OXR1: variants seen among roughly 807,000 people sequenced by gnomAD.
The protein encoded by OXR1 is oxidation resistance protein 1.
Under a neutral mutation model 104.6 loss-of-function variants are expected in OXR1, and 41 were observed. The ratio of observed to expected loss-of-function variants is 0.39; its 90% CI spans 0.31 to 0.51. The LOEUF (loss-of-function observed/expected upper bound fraction) is 0.51. Ranked by LOEUF, OXR1 falls within the 20% of genes least tolerant of loss-of-function variation. The pLI, the probability that OXR1 is intolerant of heterozygous loss-of-function variation, is 0.77. For missense variants in OXR1, 955 were observed against 1,031.9 expected (o/e 0.93, Z 1.02); for synonymous variants, 348 against 348.4 (o/e 1.00, Z 0.01).
chr8:106,449,439 A>G (rs1438935192), intron 2 of OXR1, among the ~76,000 whole-genome samples: 2 of 152,152 alleles, frequency 1.3e-5, no homozygotes, highest in African/African-American at 2.4e-5. Context: ...CTCAAAGCCA[A>G]AGTTATTGTT....
intron 1 of OXR1, among the ~76,000 whole-genome samples, chr8:106,283,900 G>A (rs957312024): frequency 6.6e-5 from 10 of 152,048 alleles, no homozygotes; most frequent in Non-Finnish European, 1.2e-4. Flanking sequence ...ATGTATTCAA[G>A]GAATGCTAAT....
At chr8:106,656,445 ATGAAT>A in intron 3 of OXR1, 1 of 152,324 alleles carries the variant, frequency 6.6e-6, no homozygotes, top group South Asian at 2.1e-4. Context: ...CCTCTATGCT[ATGAAT>A]TACCTCCCAA....
Position 106,706,729 on chromosome 8 carries a change from A to T in OXR1, c.1208A>T (p.Asn403Ile). 1 of 1,611,744 alleles carries T rather than the reference A, an allele frequency of 6.2e-7. No individual in the cohort carries two copies. The highest frequency in any genetic ancestry group is 8.5e-7 in the Non-Finnish European group (1 of 1,179,400). ...HLRSDTEHST[N>I]EVGTLCHKTD... ...AGATCTGATACTGAACATTCTACAA[A>T]TGAAGTTGGGACTTTATGTCATAAA... is the stretch of plus-strand genomic sequence containing the variant. The change falls in exon 9 of 17, where the codon AAT (asparagine) becomes ATT (isoleucine). Residue 403 changes from asparagine to isoleucine, a missense_variant. Physicochemically the swap from Asn to Ile is moderately radical, Grantham distance 149 (BLOSUM62 -3). Transcript: ENST00000517566.
intron 8 of OXR1, among the ~76,000 whole-genome samples, chr8:106,705,968 T>C (rs1297748024): frequency 6.6e-6 from 1 of 152,158 alleles, no homozygotes; most frequent in Non-Finnish European, 1.5e-5. Flanking sequence ...AATCAGTTTA[T>C]TTTTACTTTA....
At chr8:106,303,836 G>A (rs1813366270) in intron 1 of OXR1, among the ~76,000 whole-genome samples, 1 of 152,092 alleles carries the variant, frequency 6.6e-6, no homozygotes, top group African/African-American at 2.4e-5. Context: ...ATCTACCAGT[G>A]ATTTAATAAG....
intron 3 of OXR1, among the ~76,000 whole-genome samples, chr8:106,549,101 TAA>T (rs1300277786): frequency 1.3e-5 from 2 of 152,234 alleles, no homozygotes; most frequent in African/African-American, 4.8e-5. Context: ...GAAATAAATC[TAA>T]GATATGGCTA....
chr8:106,683,310 G>T lies in OXR1; in HGVS notation c.411+4G>T. Reference sequence around the variant, plus strand: ...CCGAGCAGTTGTTACTGGACAGGTAGTATCTTTTTTTTAATGTGCTGATGT... The same window carrying T: ...CCGAGCAGTTGTTACTGGACAGGTATTATCTTTTTTTTAATGTGCTGATGT... On this transcript the variant is annotated splice_donor_region_variant and intron_variant, in intron 5 of 16. Coordinates refer to ENST00000517566, the MANE Select transcript of OXR1 (RefSeq NM_001198533.2). 2.1e-6 allele frequency: 3 copies of T among 1,429,116 alleles called. No homozygotes were observed. Among genetic ancestry groups the T allele is most frequent in the Non-Finnish European group, 3.0e-6 (3 of 1,013,708 alleles). 88.5% of individuals were successfully genotyped at this position (1,429,116 alleles called of 1,614,324 possible).
At chr8:106,409,447 A>G (rs1215906552) in intron 2 of OXR1, among the ~76,000 whole-genome samples, 1 of 152,198 alleles carries the variant, frequency 6.6e-6, no homozygotes, top group Non-Finnish European at 1.5e-5. Context: ...AGAAGCAAAC[A>G]AAAAACAGGA....
chr8:106,534,551 T>G (rs187913700), intron 3 of OXR1, among the ~76,000 whole-genome samples: 1 of 152,326 alleles, frequency 6.6e-6, no homozygotes, highest in Non-Finnish European at 1.5e-5. Flanking sequence ...TGTGACAGTA[T>G]AGTGTAGTGT....
At chr8:106,705,771 A>G (rs1043822740) in intron 8 of OXR1, among the ~76,000 whole-genome samples, 6 of 152,116 alleles carry the variant, frequency 3.9e-5, no homozygotes, top group Non-Finnish European at 8.8e-5. Context: ...TAGTATCTAA[A>G]CTTTTCACCT....
At chr8:106,318,664 C>T (rs891252829) in intron 1 of OXR1, among the ~76,000 whole-genome samples, 1 of 152,196 alleles carries the variant, frequency 6.6e-6, no homozygotes, top group African/African-American at 2.4e-5. Context: ...CTTCTTTCTT[C>T]TGACTTCTGG....
intron 1 of OXR1, among the ~76,000 whole-genome samples, chr8:106,351,861 A>G (rs904129387): frequency 1.3e-5 from 2 of 152,226 alleles, no homozygotes; most frequent in Non-Finnish European, 2.9e-5. Context: ...AATTTTTATC[A>G]TGAGCTTATT....
At chr8:106,721,684 C>T (rs1455471194) in intron 11 of OXR1, among the ~76,000 whole-genome samples, 1 of 152,176 alleles carries the variant, frequency 6.6e-6, no homozygotes, top group Non-Finnish European at 1.5e-5. Flanking sequence ...AATATGTTAA[C>T]TACTTACTAT....
At position 106,589,608 on chromosome 8, in the gene OXR1, G is replaced by A. The variant is rs879302615; in HGVS notation, c.220+70469G>A. Among the ~76,000 whole-genome samples the A allele has an allele frequency of 5.9e-5, 9 of 152,086 alleles. 1 individual carries two copies. Among genetic ancestry groups the A allele is most frequent in the Admixed American group, 5.9e-4 (9 of 15,268 alleles). Reference sequence around the variant, plus strand: ...CGACGCAGCACCCAATGTAGAAAACGCTGGAATTTTTCCTTGGAACTAGAC... The same window carrying A: ...CGACGCAGCACCCAATGTAGAAAACACTGGAATTTTTCCTTGGAACTAGAC... On this transcript the variant is annotated intron_variant, in intron 3 of 16. Coordinates refer to ENST00000517566, the MANE Select transcript of OXR1 (RefSeq NM_001198533.2).
intron 3 of OXR1, among the ~76,000 whole-genome samples, chr8:106,584,523 A>G (rs980948419): frequency 1.3e-5 from 2 of 152,272 alleles, no homozygotes; most frequent in East Asian, 1.9e-4. Flanking sequence ...TATTCATTCA[A>G]TGGATCAAGA....
intron 2 of OXR1, among the ~76,000 whole-genome samples, chr8:106,429,423 G>GC (rs1466433478): frequency 6.6e-6 from 1 of 152,166 alleles, no homozygotes; most frequent in Non-Finnish European, 1.5e-5. Flanking sequence ...ACTATGGGAG[G>GC]CTGAGGTGGT....
At chr8:106,283,425 G>A (rs970830878) in intron 1 of OXR1, among the ~76,000 whole-genome samples, 1 of 152,150 alleles carries the variant, frequency 6.6e-6, no homozygotes, top group African/African-American at 2.4e-5. Flanking sequence ...AAGGACCGAC[G>A]TCAAACTTCC....
chr8:106,373,007 A>T (rs1480602141), intron 2 of OXR1, among the ~76,000 whole-genome samples: 1 of 152,208 alleles, frequency 6.6e-6, no homozygotes, highest in African/African-American at 2.4e-5. Context: ...AGGGAAAAAA[A>T]TTTACAAAGT....
intron 1 of OXR1, among the ~76,000 whole-genome samples, chr8:106,344,023 T>C (rs1815369303): frequency 1.3e-5 from 2 of 152,198 alleles, no homozygotes; most frequent in African/African-American, 4.8e-5. Flanking sequence ...GACTGGTAGT[T>C]CAGAAACTAA....
Sources: gnomAD v4.1 joint callset for allele counts (sites outside exome capture counted in the v4.1 genomes callset) on GRCh38, gnomAD v4.1.1 for gene constraint, MANE v1.5 for transcripts, NCBI Gene and HGNC (gene_info 2026-07-23, HGNC 2026-07-21) for gene names.